The following MR1 variants were observed in gnomAD, a reference collection of about 807,000 sequenced individuals.
MR1 encodes the protein major histocompatibility complex class I-related protein 1.
Under a neutral mutation model 37.8 loss-of-function variants are expected in MR1, and 44 were observed. The observed-to-expected ratio is 1.16, with a 90% CI of 0.91 to 1.50. The LOEUF (loss-of-function observed/expected upper bound fraction) is 1.50, where lower values mean the gene tolerates loss of function less well. MR1 is among the 40% of genes most tolerant of loss of function. The pLI is 0.00. For missense variants in MR1, 386 were observed against 419.1 expected (o/e 0.92, Z 0.69); for synonymous variants, 153 against 155.8 (o/e 0.98, Z 0.13).
At position 181,057,385 on chromosome 1, in the gene MR1, C is replaced by G. The variant is rs1658676122; in HGVS notation, c.*2120C>G. 6.6e-6 allele frequency: 1 copy of G among 152,196 alleles called. No individual in the cohort carries two copies. The highest frequency in any genetic ancestry group is 6.5e-5 in the Admixed American group (1 of 15,278). The allele number at this position is 152,196 out of a possible 1,614,324, so 9.4% of individuals were successfully genotyped here. ...AAGTTTATTTCTGGAATGGTTTCTT[C>G]TTACAATCAGAATAGTTAGGATGTA... On this transcript the variant is annotated 3_prime_UTR_variant, in exon 6 of 6. Coordinates refer to ENST00000367580, the MANE Select transcript of MR1 (RefSeq NM_001385161.1).
chr1:181,044,959 G>A (rs978692967), intron 1 of MR1, among the ~76,000 whole-genome samples: 3 of 152,236 alleles, frequency 2.0e-5, no homozygotes, highest in Admixed American at 6.5e-5. Context: ...TCTCTGTGCC[G>A]CCCCATTCAG....
At chr1:181,048,120 G>A (rs1558117256) in intron 1 of MR1, among the ~76,000 whole-genome samples, 1 of 151,606 alleles carries the variant, frequency 6.6e-6, no homozygotes, top group South Asian at 2.1e-4. Flanking sequence ...TTGGAGGCTG[G>A]GGCAGAGAAT....
chr1:181,047,738 A>T (rs1490050190), intron 1 of MR1, among the ~76,000 whole-genome samples: 1 of 150,024 alleles, frequency 6.7e-6, no homozygotes, highest in African/African-American at 2.5e-5. Flanking sequence ...TCTACTTTAA[A>T]AATATACAAA....
At chr1:181,040,689 G>A (rs1451600678) in intron 1 of MR1, among the ~76,000 whole-genome samples, 3 of 151,904 alleles carry the variant, frequency 2.0e-5, no homozygotes, top group Admixed American at 6.6e-5. Flanking sequence ...CAGCCTTTAG[G>A]TGCCTGGACT....
In MR1 at chr1:181,052,226, T is replaced by G; in HGVS notation, c.605-9T>G. 2 of 1,611,780 alleles carry G rather than the reference T, an allele frequency of 1.2e-6. No homozygotes were observed. The highest frequency in any genetic ancestry group is 1.7e-6 in the Non-Finnish European group (2 of 1,178,500). On this transcript the variant is annotated splice_polypyrimidine_tract_variant and intron_variant, in intron 3 of 5. Transcript: ENST00000367580. ...GCACTTTGATTTAACTTTAGCTTCT[T>G]CTTCCTAGAGCCCCCACTGGTCAGA...
At chr1:181,049,446 G>C in intron 2 of MR1, 134 bp downstream of exon 2, 1 of 1,086,600 alleles carries the variant, frequency 9.2e-7, no homozygotes. Context: ...TCAGGTTGGT[G>C]GAGTTCAGGG....
rs143137411 is a variant in MR1, at chr1:181,049,439, G to A, written c.328+127G>A. ...AGCTTTGGCAAAGCCTGAGGAATCA[G>A]GTTGGTGGAGTTCAGGGCCTCCCAT... On this transcript the variant is annotated intron_variant, in intron 2 of 5. Coordinates refer to ENST00000367580, the MANE Select transcript of MR1 (RefSeq NM_001385161.1). 1.1e-4 allele frequency: 136 copies of A among 1,213,774 alleles called. No individual in the cohort carries two copies. The African/African-American group carries it at 1.8e-3, about 16-fold the overall frequency. The allele number at this position is 1,213,774 out of a possible 1,614,324, so 75.2% of individuals were successfully genotyped here.
At chr1:181,052,195 C>T (rs776303667) in intron 3 of MR1, 40 bp from the exon 4 acceptor site, 1 of 1,605,640 alleles carries the variant, frequency 6.2e-7, no homozygotes, top group East Asian at 2.2e-5. Context: ...ATGCTCAGTA[C>T]ATAAGGCACT....
At chr1:181,049,537 C>G (rs574936648) in intron 2 of MR1, 17 of 594,282 alleles carry the variant, frequency 2.9e-5, no homozygotes, top group Admixed American at 6.1e-5. Flanking sequence ...CCACTCTTCC[C>G]CATCTCTGTA....
At chr1:181,042,496 C>T (rs1158456100) in intron 1 of MR1, among the ~76,000 whole-genome samples, 7 of 131,984 alleles carry the variant, frequency 5.3e-5, no homozygotes, top group South Asian at 2.3e-4. Flanking sequence ...CCACCGCGCC[C>T]GGCCAAATCA....
chr1:181,036,891 G>A (rs948985134), intron 1 of MR1: 14 of 152,172 alleles, frequency 9.2e-5, no homozygotes, highest in Non-Finnish European at 1.3e-4. Flanking sequence ...GAGAGCTCGG[G>A]CAGTAATAAC....
chr1:181,036,371 C>T (rs1003575960), intron 1 of MR1, among the ~76,000 whole-genome samples: 3 of 152,154 alleles, frequency 2.0e-5, no homozygotes, highest in Non-Finnish European at 2.9e-5. Context: ...CATGACCCAT[C>T]TGGCTTGAAG....
At chr1:181,051,413 C>T (rs184874265) in intron 3 of MR1, 8 of 152,202 alleles carry the variant, frequency 5.3e-5, no homozygotes, top group East Asian at 3.9e-4. Flanking sequence ...TATCATGCCT[C>T]GGTAAAGAGA....
At chr1:181,048,905 G>A (rs577212643) in intron 1 of MR1, 147 bp from the exon 2 acceptor site, 1 of 1,040,648 alleles carries the variant, frequency 9.6e-7, no homozygotes, top group South Asian at 1.6e-5. Context: ...CCTGGGTTCT[G>A]TGGTTCTGTA....
chr1:181,050,441 C>T, intron 3 of MR1, 155 bp downstream of exon 3: 2 of 933,526 alleles, frequency 2.1e-6, no homozygotes, highest in South Asian at 3.4e-5. Flanking sequence ...GAAAACTTTC[C>T]CTGGTTACTT....
At chr1:181,040,071 C>T (rs1034067735) in intron 1 of MR1, among the ~76,000 whole-genome samples, 48 of 152,020 alleles carry the variant, frequency 3.2e-4, no homozygotes, top group Admixed American at 7.2e-4. Context: ...TTGTGTCGTT[C>T]GGGTTCTCCA....
intron 1 of MR1, among the ~76,000 whole-genome samples, chr1:181,041,577 C>T (rs1657555838): frequency 6.6e-6 from 1 of 152,202 alleles, no homozygotes; most frequent in Non-Finnish European, 1.5e-5. Context: ...TTTCCCCTCA[C>T]TCCCTCAACT....
intron 1 of MR1, among the ~76,000 whole-genome samples, chr1:181,046,350 A>T (rs1365323705): frequency 6.6e-6 from 1 of 152,208 alleles, no homozygotes; most frequent in Non-Finnish European, 1.5e-5. Flanking sequence ...TAAATACACC[A>T]ATCGGCACTC....
Position 181,049,219 on chromosome 1 carries a change from G to C in MR1, c.235G>C (p.Asp79His). The change falls in exon 2 of 6, where the codon GAT (aspartate) becomes CAT (histidine). Residue 79 changes from aspartate (D) to histidine (H), a missense_variant. Asp to His is a moderately conservative substitution (Grantham distance 81). Coordinates refer to ENST00000367580, the MANE Select transcript of MR1 (RefSeq NM_001385161.1). ...ATGGATGGCAGAGAACCTCGCGCCTGATCACTGGGAGAGGTACACTCAGCT... is the reference window on the plus strand; with the variant it reads ...ATGGATGGCAGAGAACCTCGCGCCTCATCACTGGGAGAGGTACACTCAGCT... ...APWMAENLAP[D>H]HWERYTQLLR... 1 of 1,614,190 alleles carries C rather than the reference G, an allele frequency of 6.2e-7. No homozygotes were observed. Among genetic ancestry groups the C allele is most frequent in the Non-Finnish European group, 8.5e-7 (1 of 1,180,026 alleles).
Sources: gnomAD v4.1 joint callset for allele counts (sites outside exome capture counted in the v4.1 genomes callset) on GRCh38, gnomAD v4.1.1 for gene constraint, MANE v1.5 for transcripts, NCBI Gene and HGNC (gene_info 2026-07-23, HGNC 2026-07-21) for gene names.